NELL2: variants seen among roughly 807,000 people sequenced by gnomAD.
NELL2 encodes the protein neural EGFL like 2.
Under a neutral mutation model 109.6 loss-of-function variants are expected in NELL2, and 41 were observed. The ratio of observed to expected loss-of-function variants is 0.37; its 90% CI spans 0.29 to 0.49. The LOEUF is 0.49. NELL2 is among the 20% of genes least tolerant of loss of function. The pLI, the probability that NELL2 is intolerant of heterozygous loss-of-function variation, is 0.98. For synonymous variants in NELL2, 355 were observed against 344.7 expected (o/e 1.03, Z -0.33); for missense variants, 900 against 1,008.3 (o/e 0.89, Z 1.45).
chr12:44,702,005 G>A (rs2136417577), intron 12 of NELL2, among the ~76,000 whole-genome samples: 1 of 152,172 alleles, frequency 6.6e-6, no homozygotes, highest in South Asian at 2.1e-4. Flanking sequence ...AGCATTCTAA[G>A]CTCATTCCCA....
At chr12:44,602,980 TA>T (rs1164787307) in intron 15 of NELL2, among the ~76,000 whole-genome samples, 1 of 151,910 alleles carries the variant, frequency 6.6e-6, no homozygotes, top group Non-Finnish European at 1.5e-5. Context: ...AAAATAAACT[TA>T]AAAAAAATCA....
chr12:44,669,795 T>C (rs186887270), intron 12 of NELL2, among the ~76,000 whole-genome samples: 1 of 152,270 alleles, frequency 6.6e-6, no homozygotes, highest in Non-Finnish European at 1.5e-5. Context: ...AATTTGAATT[T>C]TGGGAGTTCC....
At chr12:44,913,932 T>G (rs1357285492), upstream of NELL2, 2 of 398,326 alleles carry the variant, frequency 5.0e-6, no homozygotes, top group Admixed American at 1.0e-4. Flanking sequence ...TCCTTCTGAT[T>G]GCTCAGGCCA....
At chr12:44,530,293 G>T (rs1266605115) in intron 16 of NELL2, among the ~76,000 whole-genome samples, 2 of 152,156 alleles carry the variant, frequency 1.3e-5, no homozygotes, top group African/African-American at 4.8e-5. Flanking sequence ...CACTGACAGA[G>T]AATAAAAAGA....
At chr12:44,629,124 T>C (rs1946365038) in intron 13 of NELL2, among the ~76,000 whole-genome samples, 1 of 152,180 alleles carries the variant, frequency 6.6e-6, no homozygotes, top group South Asian at 2.1e-4. Flanking sequence ...ATTTGAACTA[T>C]GGGTGAGAAT....
intron 15 of NELL2, among the ~76,000 whole-genome samples, chr12:44,562,646 T>A (rs937425274): frequency 2.0e-5 from 3 of 152,174 alleles, no homozygotes; most frequent in Non-Finnish European, 2.9e-5. Context: ...AGAATGGCAA[T>A]CACTAAAAAG....
chr12:44,515,295 T>C (rs74376798), intron 19 of NELL2, among the ~76,000 whole-genome samples: 6,838 of 151,912 alleles, frequency 0.045, 178 homozygotes, highest in African/African-American at 0.065. Flanking sequence ...CAAAACAATA[T>C]ACTATGTGGC....
intron 1 of NELL2, among the ~76,000 whole-genome samples, chr12:44,882,185 T>A (rs1945418879): frequency 6.6e-6 from 1 of 152,002 alleles, no homozygotes; most frequent in South Asian, 2.1e-4. Context: ...ATATCAGGAA[T>A]GAAGAGTAGA....
At chr12:44,521,337 C>T (rs373903308) in intron 18 of NELL2, among the ~76,000 whole-genome samples, 2,808 of 151,756 alleles carry the variant, frequency 0.019, 32 homozygotes, top group Non-Finnish European at 0.029. Flanking sequence ...GAGACCATCC[C>T]GGCTAAAACG....
intron 12 of NELL2, among the ~76,000 whole-genome samples, chr12:44,674,686 G>A (rs753597460): frequency 1.3e-5 from 2 of 152,128 alleles, no homozygotes; most frequent in Admixed American, 6.6e-5. Flanking sequence ...CGGGTAGGGA[G>A]GAGGTATAGG....
Position 44,875,805 on chromosome 12 carries a change from G to C in NELL2, c.55+10C>G. The stretch of plus-strand genomic sequence containing the variant: ...TCCCTTTCCCCAGCCCCAGCTCTGC[G>C]GCCACTCACCTGCTCCGAGACCGAA... On this transcript the variant is annotated intron_variant, in intron 1 of 19. Transcript: ENST00000429094. 1.2e-6 allele frequency: 2 copies of C among 1,613,444 alleles called. No homozygotes were observed. Among genetic ancestry groups the C allele is most frequent in the Non-Finnish European group, 1.7e-6 (2 of 1,180,014 alleles).
At chr12:44,913,863 C>A (rs1437738326) in exon 1 of NELL2, 1 of 692,840 alleles carries the variant, frequency 1.4e-6, no homozygotes, top group South Asian at 2.0e-5. Context: ...CTAAAAGGTT[C>A]TTTTTTCACT....
At chr12:44,862,410 C>T (rs1456733838) in intron 2 of NELL2, among the ~76,000 whole-genome samples, 2 of 147,642 alleles carry the variant, frequency 1.4e-5, no homozygotes, top group Non-Finnish European at 3.1e-5. Context: ...TGTAGCATTG[C>T]CATGCAGATG....
At chr12:44,636,476 A>G (rs368692909) in intron 13 of NELL2, among the ~76,000 whole-genome samples, 1 of 152,154 alleles carries the variant, frequency 6.6e-6, no homozygotes, top group Non-Finnish European at 1.5e-5. Flanking sequence ...TGGTTTATTG[A>G]GAGTTTTTAG....
intron 19 of NELL2, among the ~76,000 whole-genome samples, chr12:44,518,956 A>T (rs1430605749): frequency 6.6e-6 from 1 of 152,254 alleles, no homozygotes; most frequent in South Asian, 2.1e-4. Context: ...GACAAATTGC[A>T]TTGATTGAAA....
intron 13 of NELL2, among the ~76,000 whole-genome samples, chr12:44,644,461 T>C (rs1197898295): frequency 6.6e-6 from 1 of 151,106 alleles, no homozygotes; most frequent in African/African-American, 2.4e-5. Flanking sequence ...CTGGATATGA[T>C]AAAGGAGGGA....
Position 44,522,033 on chromosome 12 carries a change from G to C in NELL2, c.2142C>G (p.Thr714=), listed in dbSNP as rs560177256. 9.3e-6 allele frequency: 15 copies of C among 1,613,892 alleles called. No individual in the cohort carries two copies. The African/African-American group carries it at 1.2e-4, about 13-fold the overall frequency. The change falls in exon 18 of 20, where the codon ACC becomes ACG. Residue 714 remains threonine (T), a synonymous_variant. Transcript: ENST00000429094. Reference sequence around the variant, plus strand: ...GGCACTGTTGACAATTCTGGACCCAGGTGTCACCACTGTTATACAAAGTTT... The same window carrying C: ...GGCACTGTTGACAATTCTGGACCCACGTGTCACCACTGTTATACAAAGTTT... ...NGETLYNSGD[T]WVQNCQQCRC... is the part of the protein sequence containing the mutation.
At chr12:44,747,799 C>T (rs1255062860) in intron 9 of NELL2, among the ~76,000 whole-genome samples, 3 of 152,120 alleles carry the variant, frequency 2.0e-5, no homozygotes, top group African/African-American at 4.8e-5. Context: ...CCTACCCTGC[C>T]TCTCCCTAAA....
chr12:44,876,455 G>A (rs1945329448), upstream of NELL2: 1 of 1,298,964 alleles, frequency 7.7e-7, no homozygotes. Flanking sequence ...ACGGTCTCCT[G>A]GATGCCAAAC....
Sources: gnomAD v4.1 joint callset for allele counts (sites outside exome capture counted in the v4.1 genomes callset) on GRCh38, gnomAD v4.1.1 for gene constraint, MANE v1.5 for transcripts, NCBI Gene and HGNC (gene_info 2026-07-23, HGNC 2026-07-21) for gene names.